B3GALNT2: variants seen among roughly 807,000 people sequenced by gnomAD.
The protein encoded by B3GALNT2 is beta-1,3-N-acetylgalactosaminyltransferase 2, also known as UDP-GalNAc:beta-1,3-N-acetylgalactosaminyltransferase 2.
In B3GALNT2, 53 loss-of-function variants were observed where a neutral mutation model predicts 61.1. The ratio of observed to expected loss-of-function variants is 0.87; its 90% CI spans 0.70 to 1.09. The LOEUF is 1.09. B3GALNT2 is among the 50% of genes least tolerant of loss of function. The pLI is 0.00. For synonymous variants in B3GALNT2, 223 were observed against 237.4 expected, an observed-to-expected ratio of 0.94 and a Z score of 0.56; for missense variants, 544 against 623.0, an observed-to-expected ratio of 0.87 and a Z score of 1.35.
chr1:235,503,995 G>A lies in B3GALNT2; in HGVS notation c.112+146C>T, dbSNP rs372210087. The A allele has an allele frequency of 4.4e-5, 40 of 913,368 alleles. No individual in the cohort carries two copies. In the East Asian group the frequency reaches 1.3e-3, roughly 30 times the overall value. 56.6% of individuals were successfully genotyped at this position (913,368 alleles called of 1,614,324 possible). A position where few individuals can be genotyped will look rare whatever the true frequency, so the allele number is the denominator to read the frequency against. ...GTTTGCCCGATGTTAACGCTCCAAG[G>A]ATGAAAAGAGCCGTTTGTTTCGTCT... On this transcript the variant is annotated intron_variant, in intron 1 of 11. Coordinates refer to ENST00000366600, the MANE Select transcript of B3GALNT2 (RefSeq NM_152490.5).
intron 1 of B3GALNT2, chr1:235,496,300 A>T: frequency 1.2e-6 from 1 of 819,478 alleles, no homozygotes; most frequent in Non-Finnish European, 1.6e-6. Context: ...AACAAGAGTG[A>T]GACTCCACCT....
chr1:235,499,761 G>A (rs529515443), intron 1 of B3GALNT2, among the ~76,000 whole-genome samples: 27 of 152,326 alleles, frequency 1.8e-4, no homozygotes, highest in African/African-American at 6.3e-4. Flanking sequence ...TTAACAGATG[G>A]AGTTGGAAAA....
intron 1 of B3GALNT2, among the ~76,000 whole-genome samples, chr1:235,501,841 A>G (rs1358512898): frequency 6.6e-6 from 1 of 152,212 alleles, no homozygotes; most frequent in Non-Finnish European, 1.5e-5. Flanking sequence ...TGTTAGGCTT[A>G]AAGTACAAGG....
intron 3 of B3GALNT2, among the ~76,000 whole-genome samples, chr1:235,485,992 G>A (rs1257441512): frequency 6.6e-6 from 1 of 152,180 alleles, no homozygotes; most frequent in African/African-American, 2.4e-5. Context: ...TTGGGAGGCT[G>A]AGGCACGAGA....
At position 235,454,460 on chromosome 1, in the gene B3GALNT2, TG is replaced by T. The variant is rs573626841; in HGVS notation, c.1152-146del. The T allele has an allele frequency of 4.4e-6, 4 of 901,652 alleles. No individual in the cohort carries two copies. The African/African-American group carries it at 5.3e-5, about 12-fold the overall frequency. 55.9% of individuals were successfully genotyped at this position (901,652 alleles called of 1,614,324 possible). On this transcript the variant is annotated intron_variant, in intron 9 of 11. Transcript: ENST00000366600. ...TAAGAAAATTTCTTTTTTTTTGAGATGGAGTTTTGCTCTTGTTGCTCAGGCT... is the reference window on the plus strand; with the variant it reads ...TAAGAAAATTTCTTTTTTTTTGAGATGAGTTTTGCTCTTGTTGCTCAGGCT...
intron 6 of B3GALNT2, among the ~76,000 whole-genome samples, chr1:235,467,008 A>C (rs1683726610): frequency 6.6e-6 from 1 of 152,212 alleles, no homozygotes. Flanking sequence ...TAAGGCCAGT[A>C]GAACAAGTAA....
At chr1:235,451,771 C>T (rs1319585737) in intron 11 of B3GALNT2, 5 of 152,172 alleles carry the variant, frequency 3.3e-5, no homozygotes, top group African/African-American at 9.7e-5. Context: ...CCTGCACCTT[C>T]GATGGCCAAA....
chr1:235,469,858 C>T (rs542525671), intron 6 of B3GALNT2, among the ~76,000 whole-genome samples: 3 of 151,880 alleles, frequency 2.0e-5, no homozygotes, highest in East Asian at 1.9e-4. Flanking sequence ...CAGCACACCC[C>T]GCCTTATTTT....
chr1:235,494,366 T>C (rs1038727297), intron 2 of B3GALNT2, among the ~76,000 whole-genome samples: 7 of 152,116 alleles, frequency 4.6e-5, no homozygotes, highest in Non-Finnish European at 1.0e-4. Context: ...CCAAACTATA[T>C]GGAAGAAAAG....
At chr1:235,489,057 CATAATAAAATAAA>C (rs1339697305) in intron 3 of B3GALNT2, 98 bp downstream of exon 3, 3 of 1,344,660 alleles carry the variant, frequency 2.2e-6, no homozygotes, top group Non-Finnish European at 2.9e-6. Flanking sequence ...CTCTAAAACA[CATAATAAAATAAA>C]ATAATAAAAA....
chr1:235,448,918 C>CATTTCTAGGCTTATACATA lies in B3GALNT2; in HGVS notation c.*1269_*1287dup, dbSNP rs964849747. On this transcript the variant is annotated 3_prime_UTR_variant, in exon 12 of 12. Transcript: ENST00000366600. ...GATGTATTTTTTGTTGGGAAGTGAC[C>CATTTCTAGGCTTATACATA]ATTTCTAGGCTTATACATAATAGCA... 1 of 648,150 alleles carries CATTTCTAGGCTTATACATA rather than the reference C, an allele frequency of 1.5e-6. No homozygotes were observed. Among genetic ancestry groups the CATTTCTAGGCTTATACATA allele is most frequent in the African/African-American group, 1.8e-5 (1 of 55,252 alleles). The allele number at this position is 648,150 out of a possible 1,614,324, so 40.1% of individuals were successfully genotyped here.
intron 1 of B3GALNT2, among the ~76,000 whole-genome samples, chr1:235,495,474 G>C (rs971065048): frequency 1.1e-4 from 16 of 151,866 alleles, no homozygotes; most frequent in African/African-American, 3.9e-4. Context: ...GAATTCTATA[G>C]CCAGTAAACC....
chr1:235,464,929 G>A (rs1020783238), intron 7 of B3GALNT2: 7 of 152,192 alleles, frequency 4.6e-5, no homozygotes, highest in African/African-American at 7.2e-5. Context: ...AATTTATTAA[G>A]TGTTGACAAG....
At chr1:235,479,493 G>A (rs572044669) in intron 5 of B3GALNT2, 60 of 153,184 alleles carry the variant, frequency 3.9e-4, no homozygotes, top group Non-Finnish European at 7.4e-4. Context: ...GGACTAATGA[G>A]GGCACCTGGC....
At chr1:235,501,504 A>G (rs1685579887) in intron 1 of B3GALNT2, among the ~76,000 whole-genome samples, 1 of 152,194 alleles carries the variant, frequency 6.6e-6, no homozygotes, top group South Asian at 2.1e-4. Flanking sequence ...TGTGATATTT[A>G]TAATTATTTC....
intron 3 of B3GALNT2, among the ~76,000 whole-genome samples, chr1:235,487,494 T>C (rs1488432003): frequency 6.6e-6 from 1 of 152,150 alleles, no homozygotes; most frequent in Non-Finnish European, 1.5e-5. Flanking sequence ...AGTTTACAGA[T>C]GATAAAACTG....
rs371056899 is a variant in B3GALNT2, at chr1:235,458,543, C to CAA, written c.1025+58_1025+59dup. The CAA allele has an allele frequency of 3.7e-3, 4,760 of 1,289,354 alleles. 2 individuals carry two copies. Among genetic ancestry groups the CAA allele is most frequent in the African/African-American group, 5.3e-3 (332 of 62,116 alleles). 79.9% of individuals were successfully genotyped at this position (1,289,354 alleles called of 1,614,324 possible). The stretch of plus-strand genomic sequence containing the variant: ...CTTACAGCCTAGTAAGACCCCATCT[C>CAA]AAAAAAAAAAAAACTAACAATAAAA... On this transcript the variant is annotated intron_variant, in intron 8 of 11. Coordinates refer to ENST00000366600, the MANE Select transcript of B3GALNT2 (RefSeq NM_152490.5).
In B3GALNT2 at chr1:235,453,196, T is replaced by C. The variant is rs183579502; in HGVS notation, c.1312-50A>G. On this transcript the variant is annotated intron_variant, in intron 10 of 11. Coordinates refer to ENST00000366600, the MANE Select transcript of B3GALNT2 (RefSeq NM_152490.5). ...ATGTAAAAATTTTAATGCTATTTTA[T>C]TTGTAAAGACAAAACCATAGCCACT... 33 of 1,536,056 alleles carry C rather than the reference T, an allele frequency of 2.1e-5. No homozygotes were observed. In the African/African-American group the frequency reaches 3.8e-4, roughly 18 times the overall value.
chr1:235,454,552 C>T (rs1683076827), intron 9 of B3GALNT2, among the ~76,000 whole-genome samples: 1 of 152,086 alleles, frequency 6.6e-6, no homozygotes, highest in African/African-American at 2.4e-5. Flanking sequence ...AATTCTCCTG[C>T]CTCAGCCTCC....
Sources: gnomAD v4.1 joint callset for allele counts (sites outside exome capture counted in the v4.1 genomes callset) on GRCh38, gnomAD v4.1.1 for gene constraint, MANE v1.5 for transcripts, NCBI Gene and HGNC (gene_info 2026-07-23, HGNC 2026-07-21) for gene names.